The following TRPC4 variants were observed in gnomAD, a reference collection of about 807,000 sequenced individuals.
TRPC4 encodes the protein transient receptor potential cation channel subfamily C member 4.
TRPC4 carries 49 observed loss-of-function variants against 99.4 expected under a neutral mutation model. The observed-to-expected ratio is 0.49, with a 90% CI of 0.39 to 0.63. The LOEUF (loss-of-function observed/expected upper bound fraction) is 0.63, where lower values mean the gene tolerates loss of function less well. Ranked by LOEUF, TRPC4 falls within the 20% of genes least tolerant of loss-of-function variation. The probability of loss-of-function intolerance (pLI) is 0.00; values close to 1 mark genes in which losing one functional copy is unlikely to be tolerated. For synonymous variants in TRPC4, 454 were observed against 425.9 expected (o/e 1.07, Z -0.81); for missense variants, 898 against 1,152.9 (o/e 0.78, Z 3.20).
chr13:37,770,571 G>T (rs1194024488), intron 2 of TRPC4, among the ~76,000 whole-genome samples: 1 of 151,534 alleles, frequency 6.6e-6, no homozygotes, highest in Non-Finnish European at 1.5e-5. Flanking sequence ...AATGGAATAA[G>T]CTAGATCTAT....
chr13:37,858,097 AG>A (rs1392624550), intron 1 of TRPC4, among the ~76,000 whole-genome samples: 1 of 151,686 alleles, frequency 6.6e-6, no homozygotes, highest in Non-Finnish European at 1.5e-5. Flanking sequence ...GATCAAAAAC[AG>A]GCAAAAGATT....
At chr13:37,651,190 T>A in intron 8 of TRPC4, 75 bp downstream of exon 8, 9 of 1,546,132 alleles carry the variant, frequency 5.8e-6, no homozygotes, top group Non-Finnish European at 8.0e-6. Context: ...GACCTGAACA[T>A]GTACAATAAA....
At chr13:37,760,419 C>A (rs796333106) in intron 2 of TRPC4, among the ~76,000 whole-genome samples, 6 of 151,818 alleles carry the variant, frequency 4.0e-5, no homozygotes, top group Non-Finnish European at 5.9e-5. Context: ...CATTGGGCTG[C>A]TTTTTTGCCT....
intron 3 of TRPC4, among the ~76,000 whole-genome samples, chr13:37,727,975 T>C (rs1445752281): frequency 6.6e-6 from 1 of 152,086 alleles, no homozygotes; most frequent in African/African-American, 2.4e-5. Flanking sequence ...AGGAAAATTA[T>C]TTGACAAAAT....
intron 1 of TRPC4, among the ~76,000 whole-genome samples, chr13:37,808,333 G>A (rs2139460719): frequency 6.6e-6 from 1 of 152,148 alleles, no homozygotes; most frequent in Middle Eastern, 3.4e-3. Context: ...ATTTGGGGGA[G>A]TAGATGATGT....
In TRPC4 at chr13:37,692,135, A is replaced by T; in HGVS notation, c.1098T>A (p.Phe366Leu). Residue 366 changes from phenylalanine to leucine, a missense_variant, in exon 4 of 11, where the codon TTT (phenylalanine) becomes TTA (leucine). Transcript: ENST00000379705. Reference protein sequence around the residue: ...GLFIRKPFIKFICHTASYLTF... With the variant: ...GLFIRKPFIKLICHTASYLTF... ...TCAAATAGGAGGCTGTGTGGCAGAT[A>T]AACTTGATAAATGGCTTCCTGATGA... 6.2e-7 allele frequency: 1 copy of T among 1,614,162 alleles called. No homozygotes were observed.
chr13:37,653,070 A>G (rs1444295072), intron 7 of TRPC4, among the ~76,000 whole-genome samples: 1 of 152,096 alleles, frequency 6.6e-6, no homozygotes, highest in Non-Finnish European at 1.5e-5. Context: ...GCTGCCTCCT[A>G]TCTCCAACCC....
chr13:37,734,895 T>C (rs1056477937), intron 3 of TRPC4, among the ~76,000 whole-genome samples: 1 of 152,048 alleles, frequency 6.6e-6, no homozygotes, highest in East Asian at 1.9e-4. Context: ...AGGATGGGCT[T>C]AGTTTGCTCC....
chr13:37,677,313 T>TG (rs2138785108), intron 4 of TRPC4, among the ~76,000 whole-genome samples: 1 of 152,096 alleles, frequency 6.6e-6, no homozygotes, highest in South Asian at 2.1e-4. Flanking sequence ...CAGATAGCAA[T>TG]GGGGGTAGGT....
At chr13:37,767,468 A>G (rs1181413254) in intron 2 of TRPC4, among the ~76,000 whole-genome samples, 1 of 151,324 alleles carries the variant, frequency 6.6e-6, no homozygotes, top group African/African-American at 2.4e-5. Context: ...TCTGCAAAGA[A>G]GACTGCATGC....
intron 3 of TRPC4, among the ~76,000 whole-genome samples, chr13:37,734,639 C>T (rs374730807): frequency 1.3e-5 from 2 of 151,998 alleles, no homozygotes; most frequent in Admixed American, 1.3e-4. Context: ...TCACTATGTG[C>T]CCCAGGAATA....
intron 1 of TRPC4, among the ~76,000 whole-genome samples, chr13:37,833,572 T>C (rs1028629230): frequency 2.4e-4 from 36 of 152,210 alleles, no homozygotes; most frequent in Admixed American, 1.5e-3. Flanking sequence ...TGAGTGGTTC[T>C]TTACTTAGCC....
At chr13:37,829,061 G>A (rs1486679778) in intron 1 of TRPC4, among the ~76,000 whole-genome samples, 1 of 152,150 alleles carries the variant, frequency 6.6e-6, no homozygotes, top group Non-Finnish European at 1.5e-5. Flanking sequence ...ATTTTGCCAT[G>A]ATTTCTTACA....
At chr13:37,644,754 T>C (rs1055965484) in intron 8 of TRPC4, among the ~76,000 whole-genome samples, 25 of 151,404 alleles carry the variant, frequency 1.7e-4, no homozygotes, top group African/African-American at 5.1e-4. Flanking sequence ...GCGCCTGTAG[T>C]CCCAGCTACT....
intron 1 of TRPC4, among the ~76,000 whole-genome samples, chr13:37,828,619 T>C (rs544291024): frequency 7.5e-4 from 115 of 152,318 alleles, no homozygotes; most frequent in East Asian, 2.3e-3. Flanking sequence ...AAAGAAAATG[T>C]GGTACATATT....
In TRPC4 at chr13:37,783,290, C is replaced by T. The variant is rs1956890643; in HGVS notation, c.44G>A (p.Arg15Lys). The change falls in exon 2 of 11, where the codon AGA (arginine) becomes AAA (lysine). Residue 15 changes from arginine (R) to lysine (K), a missense_variant. Physicochemically the swap from Arg to Lys is conservative, Grantham distance 26 (BLOSUM62 2). Coordinates refer to ENST00000379705, the MANE Select transcript of TRPC4 (RefSeq NM_016179.4). Reference sequence around the variant, plus strand: ...TACTATCCTTAGAGGGATGCGGTCTCTATAGGGAGCATTAACATTTCTTTT... The same window carrying T: ...TACTATCCTTAGAGGGATGCGGTCTTTATAGGGAGCATTAACATTTCTTTT... Reference protein sequence around the residue: ...YYKRNVNAPYRDRIPLRIVRA... With the variant: ...YYKRNVNAPYKDRIPLRIVRA... The T allele has an allele frequency of 1.3e-6, 2 of 1,598,830 alleles. No individual in the cohort carries two copies. Among genetic ancestry groups the T allele is most frequent in the South Asian group, 1.1e-5 (1 of 88,644 alleles).
intron 1 of TRPC4, among the ~76,000 whole-genome samples, chr13:37,842,684 G>T (rs1593301810): frequency 6.6e-6 from 1 of 152,088 alleles, no homozygotes; most frequent in African/African-American, 2.4e-5. Flanking sequence ...TTTTGTAATG[G>T]CACTAATCAC....
chr13:37,833,247 T>C (rs1054430896), intron 1 of TRPC4, among the ~76,000 whole-genome samples: 3 of 152,200 alleles, frequency 2.0e-5, no homozygotes, highest in Non-Finnish European at 4.4e-5. Context: ...TCCTGCATTA[T>C]ATTTCTAAAG....
At chr13:37,662,937 T>C (rs1277537312) in intron 6 of TRPC4, among the ~76,000 whole-genome samples, 2 of 152,182 alleles carry the variant, frequency 1.3e-5, no homozygotes, top group South Asian at 2.1e-4. Context: ...AGATTTCCAT[T>C]TGCACTATTT....
Sources: allele counts gnomAD v4.1 joint callset (sites outside exome capture counted in the v4.1 genomes callset), GRCh38; gene constraint gnomAD v4.1.1; transcripts MANE v1.5; gene names NCBI Gene and HGNC (gene_info 2026-07-23, HGNC 2026-07-21).